Variants in ATP6V0E1 observed in about 807,000 individuals in gnomAD.
ATP6V0E1 encodes V-type proton ATPase subunit e 1.
Under a neutral mutation model 11.6 loss-of-function variants are expected in ATP6V0E1, and 4 were observed. The ratio of observed to expected loss-of-function variants is 0.35; its 90% CI spans 0.17 to 0.79. ATP6V0E1 has a LOEUF of 0.79. Among genes scored for constraint, ATP6V0E1 ranks in the 30% least tolerant of loss-of-function variants. ATP6V0E1 has a pLI of 0.54. For missense variants in ATP6V0E1, 105 were observed against 100.0 expected (o/e 1.05, Z -0.21); for synonymous variants, 36 against 34.8 (o/e 1.04, Z -0.13).
intron 2 of ATP6V0E1, among the ~76,000 whole-genome samples, chr5:173,015,204 A>G (rs1756383682): frequency 2.0e-5 from 3 of 152,214 alleles, no homozygotes; most frequent in Non-Finnish European, 4.4e-5. Context: ...CTACCTAATT[A>G]GCATTGTGAC....
At chr5:173,006,497 C>T (rs988418974) in intron 2 of ATP6V0E1, among the ~76,000 whole-genome samples, 1 of 152,210 alleles carries the variant, frequency 6.6e-6, no homozygotes, top group Non-Finnish European at 1.5e-5. Flanking sequence ...GTAGTCCCAG[C>T]GACTCGGGAG....
At chr5:172,994,397 C>T (rs1215326753) in intron 1 of ATP6V0E1, among the ~76,000 whole-genome samples, 3 of 152,104 alleles carry the variant, frequency 2.0e-5, no homozygotes, top group Non-Finnish European at 4.4e-5. Flanking sequence ...GAGAGCTCAT[C>T]GCTGGAGAGT....
chr5:172,998,444 T>TA (rs780591493), intron 2 of ATP6V0E1, among the ~76,000 whole-genome samples: 4 of 151,650 alleles, frequency 2.6e-5, no homozygotes, highest in Non-Finnish European at 5.9e-5. Context: ...CCATCAATAC[T>TA]AAAAAAAATT....
At chr5:173,006,792 T>A (rs1756237330) in intron 2 of ATP6V0E1, among the ~76,000 whole-genome samples, 1 of 152,088 alleles carries the variant, frequency 6.6e-6, no homozygotes, top group South Asian at 2.1e-4. Flanking sequence ...TGCCTTCATT[T>A]GGGTTTTGGG....
chr5:173,013,574 C>CA (rs35084966), intron 2 of ATP6V0E1, among the ~76,000 whole-genome samples: 12,710 of 61,006 alleles, frequency 0.21, 1,188 homozygotes, highest in Middle Eastern at 0.27. Flanking sequence ...GACTCCATCT[C>CA]AAAAAAAAAA....
chr5:172,995,141 T>C (rs1046985268), intron 2 of ATP6V0E1, among the ~76,000 whole-genome samples: 2 of 152,258 alleles, frequency 1.3e-5, no homozygotes, highest in Admixed American at 1.3e-4. Flanking sequence ...TCCCGCTCTG[T>C]CGCCCAGGCT....
At chr5:173,013,800 A>C (rs1232322955) in intron 2 of ATP6V0E1, among the ~76,000 whole-genome samples, 1 of 152,188 alleles carries the variant, frequency 6.6e-6, no homozygotes, top group Non-Finnish European at 1.5e-5. Flanking sequence ...CACTAGGGAA[A>C]TGCAATTCAA....
intron 2 of ATP6V0E1, among the ~76,000 whole-genome samples, chr5:173,016,502 A>G (rs1157715462): frequency 6.6e-6 from 1 of 152,224 alleles, no homozygotes; most frequent in East Asian, 1.9e-4. Context: ...CTCCGCTACA[A>G]CATCCTACAA....
intron 3 of ATP6V0E1, among the ~76,000 whole-genome samples, chr5:173,023,319 AAGT>A (rs1191154674): frequency 6.6e-6 from 1 of 152,098 alleles, no homozygotes; most frequent in African/African-American, 2.4e-5. Flanking sequence ...TCAGGCTCCC[AAGT>A]AGCTGGGACT....
chr5:173,017,097 A>G (rs1388459152), intron 2 of ATP6V0E1, among the ~76,000 whole-genome samples: 1 of 152,162 alleles, frequency 6.6e-6, no homozygotes, highest in Non-Finnish European at 1.5e-5. Flanking sequence ...GAAAAGCTCT[A>G]AAAATGACAG....
chr5:172,989,958 C>T (rs577633382), intron 1 of ATP6V0E1, among the ~76,000 whole-genome samples: 1 of 152,252 alleles, frequency 6.6e-6, no homozygotes, highest in South Asian at 2.1e-4. Flanking sequence ...GCTTCAGCCT[C>T]CAGCATAGCT....
At chr5:173,021,710 G>T (rs1051032894) in intron 3 of ATP6V0E1, among the ~76,000 whole-genome samples, 1 of 152,170 alleles carries the variant, frequency 6.6e-6, no homozygotes, top group Non-Finnish European at 1.5e-5. Context: ...TTCAACATGA[G>T]ATTTGGAGGG....
intron 2 of ATP6V0E1, among the ~76,000 whole-genome samples, chr5:173,005,179 T>G (rs1393803720): frequency 1.3e-5 from 2 of 151,976 alleles, no homozygotes; most frequent in East Asian, 3.9e-4. Context: ...AAAAACCTGT[T>G]GGGATTTTAA....
chr5:173,008,177 A>G (rs1210845216), intron 2 of ATP6V0E1, among the ~76,000 whole-genome samples: 2 of 152,198 alleles, frequency 1.3e-5, no homozygotes, highest in African/African-American at 4.8e-5. Context: ...ATCACAGAGC[A>G]CACATTGAAT....
Position 172,983,801 on chromosome 5 carries a change from C to T in ATP6V0E1, c.-60C>T. 2.0e-6 allele frequency: 3 copies of T among 1,525,622 alleles called. No individual in the cohort carries two copies. Among genetic ancestry groups the T allele is most frequent in the Non-Finnish European group, 2.7e-6 (3 of 1,102,654 alleles). The allele number at this position is 1,525,622 out of a possible 1,614,324, so 94.5% of individuals were successfully genotyped here. ...CGCTGGTCACGCGGTCAGCTATTGA[C>T]ACTTCCTGGTGGGATCCGAGTGAGG... On this transcript the variant is annotated 5_prime_UTR_variant, in exon 1 of 4. Coordinates refer to ENST00000519374, the MANE Select transcript of ATP6V0E1 (RefSeq NM_003945.4).
intron 3 of ATP6V0E1, among the ~76,000 whole-genome samples, chr5:173,033,885 G>C (rs1412448693): frequency 1.3e-5 from 2 of 152,002 alleles, no homozygotes; most frequent in African/African-American, 4.8e-5. Context: ...AAAAGATGGT[G>C]TTGAATTTAA....
intron 2 of ATP6V0E1, among the ~76,000 whole-genome samples, chr5:173,007,595 CG>C (rs1441814330): frequency 6.6e-6 from 1 of 152,064 alleles, no homozygotes; most frequent in Non-Finnish European, 1.5e-5. Context: ...TAGGTAGCCA[CG>C]TAAACCAAAA....
rs796200644 is a variant in ATP6V0E1, at chr5:173,001,712, CT to C, written c.152+6903del. Among the ~76,000 whole-genome samples the C allele has an allele frequency of 8.5e-3, 1,228 of 143,912 alleles. 17 individuals are homozygous for C. The highest frequency in any genetic ancestry group is 0.023 in the African/African-American group (909 of 39,618). The allele number at this position is 143,912 out of a possible 152,430, so 94.4% of individuals were successfully genotyped here. A position where few individuals can be genotyped will look rare whatever the true frequency, so the allele number is the denominator to read the frequency against. ...CCTTTTTAAACTTTCTGGTTTTGAGCTTTTTTTTTTTTTCTTTTCCCCCGAG... is the reference window on the plus strand; with the variant it reads ...CCTTTTTAAACTTTCTGGTTTTGAGCTTTTTTTTTTTTCTTTTCCCCCGAG... On this transcript the variant is annotated intron_variant, in intron 2 of 3. Transcript: ENST00000519374.
chr5:172,983,917 C>T lies in ATP6V0E1; in HGVS notation c.57C>T (p.Phe19=). 6.2e-7 allele frequency: 1 copy of T among 1,613,390 alleles called. No homozygotes were observed. The change falls in exon 1 of 4, where the codon TTC becomes TTT. Residue 19 remains phenylalanine (F), a synonymous_variant. Transcript: ENST00000519374. ...TTGTGATGAGCGTGTTCTGGGGCTTCGTCGGCTTCTTGGTGCCTTGGTTCA... is the reference window on the plus strand; with the variant it reads ...TTGTGATGAGCGTGTTCTGGGGCTTTGTCGGCTTCTTGGTGCCTTGGTTCA... ...PLIVMSVFWG[F]VGFLVPWFIP...
Sources: allele counts gnomAD v4.1 joint callset (sites outside exome capture counted in the v4.1 genomes callset), GRCh38; gene constraint gnomAD v4.1.1; transcripts MANE v1.5; gene names NCBI Gene and HGNC (gene_info 2026-07-23, HGNC 2026-07-21).